The following CNTNAP2 variants were observed in gnomAD, a reference collection of about 807,000 sequenced individuals.
CNTNAP2 encodes contactin-associated protein-like 2.
In CNTNAP2, 98 loss-of-function variants were observed where a neutral mutation model predicts 155.2. That is an observed-to-expected ratio of 0.63 (90% confidence interval 0.54 to 0.75). CNTNAP2 has a LOEUF of 0.75. Among genes scored for constraint, CNTNAP2 ranks in the 30% least tolerant of loss-of-function variants. CNTNAP2 has a pLI of 0.00. For synonymous variants in CNTNAP2, 651 were observed against 631.2 expected, an observed-to-expected ratio of 1.03 and a Z score of -0.47; for missense variants, 1,727 against 1,688.1, an observed-to-expected ratio of 1.02 and a Z score of -0.40.
intron 1 of CNTNAP2, among the ~76,000 whole-genome samples, chr7:146,495,552 ATTTTTTT>A (rs57676970): frequency 0.01 from 1,388 of 133,374 alleles, 15 homozygotes; most frequent in African/African-American, 0.03. Flanking sequence ...CTAACAGGTC[ATTTTTTT>A]TTTTTTTTTT....
chr7:146,505,652 C>T (rs1291481540), intron 1 of CNTNAP2, among the ~76,000 whole-genome samples: 1 of 152,218 alleles, frequency 6.6e-6, no homozygotes, highest in Non-Finnish European at 1.5e-5. Flanking sequence ...CTGCAAGGGA[C>T]TATGATAGCC....
At chr7:147,920,203 A>G (rs536329240) in intron 14 of CNTNAP2, among the ~76,000 whole-genome samples, 5 of 151,740 alleles carry the variant, frequency 3.3e-5, no homozygotes, top group African/African-American at 1.2e-4. Context: ...TAAAAATACA[A>G]AAATTAGCTG....
intron 1 of CNTNAP2, among the ~76,000 whole-genome samples, chr7:146,324,289 A>G (rs1171961085): frequency 6.6e-6 from 1 of 152,148 alleles, no homozygotes; most frequent in Non-Finnish European, 1.5e-5. Flanking sequence ...ACAAAACAAA[A>G]GAAAAAGAGT....
At chr7:147,243,501 G>GT (rs1389810874) in intron 8 of CNTNAP2, among the ~76,000 whole-genome samples, 5 of 152,014 alleles carry the variant, frequency 3.3e-5, no homozygotes, top group Non-Finnish European at 2.9e-5. Context: ...ATGAGCACAG[G>GT]TTTTAGGTCA....
intron 14 of CNTNAP2, among the ~76,000 whole-genome samples, chr7:147,931,208 A>G (rs980296518): frequency 1.2e-5 from 1 of 82,980 alleles, no homozygotes; most frequent in Non-Finnish European, 2.1e-5. Context: ...TAAACAGAGT[A>G]AAAAAAAAAT....
intron 22 of CNTNAP2, among the ~76,000 whole-genome samples, chr7:148,402,473 T>TG (rs1799609189): frequency 6.6e-6 from 1 of 152,230 alleles, no homozygotes. Flanking sequence ...AGGGATCCTC[T>TG]CTTAAAATAA....
intron 1 of CNTNAP2, among the ~76,000 whole-genome samples, chr7:146,569,094 G>T (rs753031226): frequency 6.6e-6 from 1 of 151,822 alleles, no homozygotes; most frequent in Non-Finnish European, 1.5e-5. Context: ...TTGGCTCACC[G>T]CAAGGGCTGC....
intron 1 of CNTNAP2, among the ~76,000 whole-genome samples, chr7:146,290,427 G>A (rs1435243609): frequency 6.6e-6 from 1 of 152,176 alleles, no homozygotes; most frequent in Non-Finnish European, 1.5e-5. Context: ...GCTGCCCCTT[G>A]TTAAGCTGGT....
chr7:146,984,575 T>A (rs1798082954), intron 3 of CNTNAP2, among the ~76,000 whole-genome samples: 1 of 152,032 alleles, frequency 6.6e-6, no homozygotes, highest in South Asian at 2.1e-4. Context: ...AGAGCTAATG[T>A]GTCCTGTCAT....
At chr7:146,332,970 G>A (rs1322286490) in intron 1 of CNTNAP2, among the ~76,000 whole-genome samples, 2 of 129,920 alleles carry the variant, frequency 1.5e-5, no homozygotes, top group East Asian at 4.3e-4. Flanking sequence ...TTTTTGACAG[G>A]TCTCACTCTG....
intron 3 of CNTNAP2, among the ~76,000 whole-genome samples, chr7:146,941,396 A>G (rs1414261167): frequency 6.6e-6 from 1 of 152,132 alleles, no homozygotes; most frequent in African/African-American, 2.4e-5. Context: ...CTTCCCCTCT[A>G]CATTTCAATT....
intron 1 of CNTNAP2, among the ~76,000 whole-genome samples, chr7:146,771,411 T>C (rs1802291416): frequency 6.6e-6 from 1 of 152,206 alleles, no homozygotes; most frequent in African/African-American, 2.4e-5. Context: ...TCAAAAATTA[T>C]AAAAAGTTAT....
intron 11 of CNTNAP2, among the ~76,000 whole-genome samples, chr7:147,489,174 G>C (rs1313411488): frequency 6.6e-6 from 1 of 152,138 alleles, no homozygotes; most frequent in Non-Finnish European, 1.5e-5. Context: ...TATGTCTCCT[G>C]TTTTCATTTG....
chr7:147,474,338 A>C (rs1798278659), intron 10 of CNTNAP2, among the ~76,000 whole-genome samples: 1 of 152,078 alleles, frequency 6.6e-6, no homozygotes, highest in African/African-American at 2.4e-5. Context: ...TCACGCCTGT[A>C]ATCCCAACAC....
intron 11 of CNTNAP2, among the ~76,000 whole-genome samples, chr7:147,533,702 T>C (rs115600009): frequency 0.01 from 1,511 of 146,338 alleles, 26 homozygotes; most frequent in African/African-American, 0.036. Context: ...GCCCAGGAGA[T>C]CCCATCTCAA....
At chr7:148,323,234 G>A (rs913631214) in intron 21 of CNTNAP2, among the ~76,000 whole-genome samples, 7 of 146,592 alleles carry the variant, frequency 4.8e-5, no homozygotes, top group African/African-American at 5.0e-5. Context: ...ACCCAGAACC[G>A]ACTGGCTTAA....
chr7:147,775,404 T>C (rs1483611200), intron 13 of CNTNAP2, among the ~76,000 whole-genome samples: 1 of 113,228 alleles, frequency 8.8e-6, no homozygotes, highest in African/African-American at 3.5e-5. Context: ...TATATATATT[T>C]ATATATATAT....
intron 3 of CNTNAP2, among the ~76,000 whole-genome samples, chr7:146,930,340 G>T (rs1261465112): frequency 6.6e-6 from 1 of 151,912 alleles, no homozygotes; most frequent in Non-Finnish European, 1.5e-5. Context: ...GCCAAACTAA[G>T]ATTCATAAGT....
rs1265617058 is a variant in CNTNAP2, at chr7:148,061,966, G to GAT, written c.2384-56150_2384-56149dup. Reference sequence around the variant, plus strand: ...ATAGATAAACAGATATAGATAGATAGATAGATAGATAGATAGATAGATAGA... The same window carrying GAT: ...ATAGATAAACAGATATAGATAGATAGATATAGATAGATAGATAGATAGATAGA... On this transcript the variant is annotated intron_variant, in intron 15 of 23. Coordinates refer to ENST00000361727, the MANE Select transcript of CNTNAP2 (RefSeq NM_014141.6). Among the ~76,000 whole-genome samples, 289 of 112,166 alleles carry GAT rather than the reference G, an allele frequency of 2.6e-3. 2 individuals are homozygous for GAT. The highest frequency in any genetic ancestry group is 3.9e-3 in the Non-Finnish European group (224 of 57,466). 73.6% of individuals were successfully genotyped at this position (112,166 alleles called of 152,430 possible). A position where few individuals can be genotyped will look rare whatever the true frequency, so the allele number is the denominator to read the frequency against.
Sources: allele counts gnomAD v4.1 joint callset (sites outside exome capture counted in the v4.1 genomes callset), GRCh38; gene constraint gnomAD v4.1.1; transcripts MANE v1.5; gene names NCBI Gene and HGNC (gene_info 2026-07-23, HGNC 2026-07-21).